Variants in FUNDC2 observed in about 807,000 individuals in gnomAD.
FUNDC2 encodes the protein FUN14 domain containing 2, also known as FUN14 domain-containing protein 2.
A neutral mutation model predicts 15.6 loss-of-function variants in FUNDC2; 4 were observed. That is an observed-to-expected ratio of 0.26 (90% CI 0.13 to 0.59). FUNDC2 has a LOEUF of 0.59. Among genes scored for constraint, FUNDC2 ranks in the 20% least tolerant of loss-of-function variants. The pLI, the probability that FUNDC2 is intolerant of heterozygous loss-of-function variation, is 0.90. For missense variants in FUNDC2, 98 were observed against 149.7 expected (o/e 0.65, Z 1.80); for synonymous variants, 44 against 56.9 (o/e 0.77, Z 1.02).
At chrX:155,029,332 A>G (rs1262721042) in intron 1 of FUNDC2, among the ~76,000 whole-genome samples, 1 of 112,617 alleles carries the variant, frequency 8.9e-6, no homozygotes, top group Non-Finnish European at 1.9e-5. Context: ...ATCTGAGAGC[A>G]TAATATATGA....
intron 1 of FUNDC2, 116 bp downstream of exon 1, chrX:155,027,187 C>A (rs1557288338): frequency 1.2e-5 from 10 of 833,738 alleles, no homozygotes. Flanking sequence ...GTCCAAGCGG[C>A]GCGGGGACGG....
At chrX:155,027,592 T>C (rs1430977535) in intron 1 of FUNDC2, among the ~76,000 whole-genome samples, 3 of 112,193 alleles carry the variant, frequency 2.7e-5, no homozygotes, top group Non-Finnish European at 5.6e-5. Context: ...CTATTTTGAA[T>C]GTTTAGGTTG....
In FUNDC2 at chrX:155,042,175, C is replaced by CTTTTTTTTTTTTTTTT. The variant is rs1175079092; in HGVS notation, c.285-4320_285-4305dup. 4.3e-4 allele frequency among the ~76,000 whole-genome samples: 17 copies of CTTTTTTTTTTTTTTTT among 39,199 alleles called. 5 individuals are homozygous for CTTTTTTTTTTTTTTTT. Among genetic ancestry groups the CTTTTTTTTTTTTTTTT allele is most frequent in the African/African-American group, 2.2e-3 (17 of 7,642 alleles). 34.0% of individuals were successfully genotyped at this position (39,199 alleles called of 115,157 possible). A position where few individuals can be genotyped will look rare whatever the true frequency, so the allele number is the denominator to read the frequency against. ...CCTTGCTATAGTTTTCTTTTTCTAT[C>CTTTTTTTTTTTTTTTT]TTTTTTTTTTTTTTTTTTTTTTTTT... is the stretch of plus-strand genomic sequence containing the variant. On this transcript the variant is annotated intron_variant, in intron 2 of 4. Transcript: ENST00000369498.
At chrX:155,045,992 TC>T (rs1296044902) in intron 2 of FUNDC2, among the ~76,000 whole-genome samples, 2 of 110,911 alleles carry the variant, frequency 1.8e-5, no homozygotes, top group Non-Finnish European at 3.8e-5. Context: ...TCCCCTCCCT[TC>T]CCCCACCTTT....
At chrX:155,050,020 T>C (rs1203628261) in intron 3 of FUNDC2, 3 of 111,988 alleles carry the variant, frequency 2.7e-5, no homozygotes, top group African/African-American at 9.8e-5. Context: ...GACAAAGATG[T>C]CTATGATTGG....
rs2073899337 is a variant in FUNDC2 at position 155,056,619 on chromosome X, ACT to A, written c.*1950_*1951del. 1 of 108,642 alleles carries A rather than the reference ACT, an allele frequency of 9.2e-6. No homozygotes were observed. The highest frequency in any genetic ancestry group is 4.0e-4 in the South Asian group (1 of 2,522). The allele number at this position is 108,642 out of a possible 1,213,427, so 9.0% of individuals were successfully genotyped here. A position where few individuals can be genotyped will look rare whatever the true frequency, so the allele number is the denominator to read the frequency against. The stretch of plus-strand genomic sequence containing the variant: ...AGTCATCTGTTTCCTGCTTCCCCAC[ACT>A]CTGCCTCTCCTGACATCTGGGTCTC... On this transcript the variant is annotated 3_prime_UTR_variant, in exon 5 of 5. Transcript: ENST00000369498.
Position 155,057,454 on chromosome X carries a change from T to G in FUNDC2, c.*2782T>G, listed in dbSNP as rs996843822. On this transcript the variant is annotated 3_prime_UTR_variant, in exon 5 of 5. Transcript: ENST00000369498. ...CTAATTAGTGGTGGTGGGGCGGAAG[T>G]TTTTCCTTGGGAAGAGCGTTGTCGC... The G allele has an allele frequency of 9.0e-6, 1 of 111,117 alleles. No individual in the cohort carries two copies. The highest frequency in any genetic ancestry group is 1.9e-5 in the Non-Finnish European group (1 of 52,882). 9.2% of individuals were successfully genotyped at this position (111,117 alleles called of 1,213,427 possible).
Position 155,051,813 on chromosome X carries a change from A to G in FUNDC2, c.492+12A>G. ...GCAAAGCTGAGGAGGTGAGACTTGC[A>G]TTGTTCACGTGTAGTGTGTGAACAG... On this transcript the variant is annotated intron_variant, in intron 4 of 4. Transcript: ENST00000369498. The G allele has an allele frequency of 2.5e-6, 3 of 1,209,966 alleles. No individual in the cohort carries two copies. The highest frequency in any genetic ancestry group is 3.4e-6 in the Non-Finnish European group (3 of 893,857).
intron 1 of FUNDC2, among the ~76,000 whole-genome samples, chrX:155,028,093 T>TTTATAAGAGCAGACTGCTCTTATAGACTG (rs2073801428): frequency 9.0e-6 from 1 of 111,427 alleles, no homozygotes; most frequent in Non-Finnish European, 1.9e-5. Flanking sequence ...CTTATAGACT[T>TTTATAAGAGCAGACTGCTCTTATAGACTG]TTATAAGAGC....
intron 2 of FUNDC2, among the ~76,000 whole-genome samples, chrX:155,036,731 A>C (rs1164207823): frequency 2.7e-5 from 3 of 111,337 alleles, no homozygotes; most frequent in Non-Finnish European, 5.7e-5. Context: ...TGTAAAAAAA[A>C]GACTGTCTTT....
At chrX:155,048,631 A>G (rs1286702446) in intron 3 of FUNDC2, among the ~76,000 whole-genome samples, 1 of 112,574 alleles carries the variant, frequency 8.9e-6, no homozygotes, top group Non-Finnish European at 1.9e-5. Flanking sequence ...CAGACTTGTC[A>G]GTTATTTTCA....
At position 155,055,466 on chromosome X, in the gene FUNDC2, T is replaced by C. The variant is rs1165591154; in HGVS notation, c.*794T>C. The stretch of plus-strand genomic sequence containing the variant: ...CTATTTTTTTTTTTAATCTAGTTAG[T>C]ATGAAATACAACATTTAAACCGGAA... On this transcript the variant is annotated 3_prime_UTR_variant, in exon 5 of 5. Coordinates refer to ENST00000369498, the MANE Select transcript of FUNDC2 (RefSeq NM_023934.4). 3.4e-6 allele frequency: 1 copy of C among 290,942 alleles called. No individual in the cohort carries two copies. Among genetic ancestry groups the C allele is most frequent in the African/African-American group, 2.8e-5 (1 of 35,946 alleles). The allele number at this position is 290,942 out of a possible 1,213,427, so 24.0% of individuals were successfully genotyped here.
In FUNDC2 at chrX:155,027,080, G is replaced by A. The variant is rs369990228; in HGVS notation, c.133+9G>A. ...GGCCGCGTCCAGTCAAGGTAAGGGC[G>A]GGCGCGCGCGCGGCCGGCGCCGCGG... On this transcript the variant is annotated intron_variant, in intron 1 of 4. Coordinates refer to ENST00000369498, the MANE Select transcript of FUNDC2 (RefSeq NM_023934.4). The A allele has an allele frequency of 5.6e-5, 63 of 1,128,310 alleles. No individual in the cohort carries two copies. In the African/African-American group the frequency reaches 1.0e-3, roughly 19 times the overall value. The allele number at this position is 1,128,310 out of a possible 1,213,427, so 93.0% of individuals were successfully genotyped here. A position where few individuals can be genotyped will look rare whatever the true frequency, so the allele number is the denominator to read the frequency against.
chrX:155,027,258 G>A, intron 1 of FUNDC2, 187 bp downstream of exon 1: 1 of 388,076 alleles, frequency 2.6e-6, no homozygotes, highest in Non-Finnish European at 4.0e-6. Flanking sequence ...AAGGTCACGC[G>A]CGTGTCTGGG....
rs180769030 is a variant in FUNDC2 at position 155,055,269 on chromosome X, G to C, written c.*597G>C. ...AATGCTTTCTACCGTACAGGATAAT[G>C]TATCTCATGGCTGTTTCCAAAGGGT... On this transcript the variant is annotated 3_prime_UTR_variant, in exon 5 of 5. Transcript: ENST00000369498. The C allele has an allele frequency of 4.1e-5, 12 of 295,536 alleles. No individual in the cohort carries two copies. Among genetic ancestry groups the C allele is most frequent in the Non-Finnish European group, 5.9e-5 (10 of 170,060 alleles). The allele number at this position is 295,536 out of a possible 1,213,427, so 24.4% of individuals were successfully genotyped here.
In FUNDC2 at chrX:155,058,770, G is replaced by C. The variant is rs1240255386; in HGVS notation, c.*4098G>C. The C allele has an allele frequency of 9.0e-5, 10 of 110,847 alleles. No homozygotes were observed. Among genetic ancestry groups the C allele is most frequent in the Non-Finnish European group, 1.3e-4 (7 of 52,958 alleles). 9.1% of individuals were successfully genotyped at this position (110,847 alleles called of 1,213,427 possible). A position where few individuals can be genotyped will look rare whatever the true frequency, so the allele number is the denominator to read the frequency against. ...ATTTTTCTAGAAGTCATATGGTATA[G>C]CTTATATTTCCGATGCTTGCATTCT... On this transcript the variant is annotated 3_prime_UTR_variant, in exon 5 of 5. Transcript: ENST00000369498.
intron 1 of FUNDC2, 125 bp downstream of exon 1, chrX:155,027,196 G>A: frequency 2.6e-6 from 2 of 768,652 alleles, no homozygotes; most frequent in Admixed American, 6.0e-5. Context: ...GCGCGGGGAC[G>A]GGGAGGGCGC....
At position 155,026,878 on chromosome X, in the gene FUNDC2, T is replaced by A. The variant is rs2073793274; in HGVS notation, c.-61T>A. On this transcript the variant is annotated 5_prime_UTR_variant, in exon 1 of 5. Transcript: ENST00000369498. ...CGCTGAGCTCTGTGATGTAGCCGCT[T>A]GCGGAGACTGCAAGCAGCCGCGGCG... is the stretch of plus-strand genomic sequence containing the variant. 1 of 1,155,654 alleles carries A rather than the reference T, an allele frequency of 8.7e-7. No individual in the cohort carries two copies. The highest frequency in any genetic ancestry group is 1.1e-6 in the Non-Finnish European group (1 of 869,578).
intron 1 of FUNDC2, 91 bp downstream of exon 1, chrX:155,027,162 C>T: frequency 3.2e-6 from 3 of 947,779 alleles, no homozygotes; most frequent in Non-Finnish European, 4.0e-6. Flanking sequence ...CAGTCGCGAC[C>T]GAGCTCCCCG....
Sources: gnomAD v4.1 joint callset for allele counts (sites outside exome capture counted in the v4.1 genomes callset) on GRCh38, gnomAD v4.1.1 for gene constraint, MANE v1.5 for transcripts, NCBI Gene and HGNC (gene_info 2026-07-23, HGNC 2026-07-21) for gene names.